The following SCARA5 variants were observed in gnomAD, a reference collection of about 807,000 sequenced individuals.
The protein encoded by SCARA5 is scavenger receptor class A member 5, also known as scavenger receptor class A, member 5 (putative).
Under a neutral mutation model 46.3 loss-of-function variants are expected in SCARA5, and 45 were observed. That is an observed-to-expected ratio of 0.97 (90% CI 0.76 to 1.24). The LOEUF is 1.24. Ranked by LOEUF, SCARA5 falls within the 50% of genes most tolerant of loss-of-function variation. The pLI, the probability that SCARA5 is intolerant of heterozygous loss-of-function variation, is 0.00. For missense variants in SCARA5, 680 were observed against 689.0 expected, an observed-to-expected ratio of 0.99 and a Z score of 0.15; for synonymous variants, 333 against 306.5, an observed-to-expected ratio of 1.09 and a Z score of -0.90.
Position 27,987,499 on chromosome 8 carries a change from C to T in SCARA5, c.112+5G>A, listed in dbSNP as rs1434974066. On this transcript the variant is annotated splice_donor_5th_base_variant and intron_variant, in intron 2 of 8. Transcript: ENST00000354914. ...GTGCCCCAAGTCTGAGCCAGCTGCACTCACCATCCTCACACAGGTTCAGCT... is the reference window on the plus strand; with the variant it reads ...GTGCCCCAAGTCTGAGCCAGCTGCATTCACCATCCTCACACAGGTTCAGCT... 1.9e-6 allele frequency: 3 copies of T among 1,603,998 alleles called. No homozygotes were observed. Among genetic ancestry groups the T allele is most frequent in the Admixed American group, 1.7e-5 (1 of 60,002 alleles).
chr8:27,959,233 A>T (rs1808256464), intron 3 of SCARA5, among the ~76,000 whole-genome samples: 1 of 152,138 alleles, frequency 6.6e-6, no homozygotes, highest in Non-Finnish European at 1.5e-5. Flanking sequence ...ACTCTGTCTC[A>T]AAAAGAAAAA....
intron 1 of SCARA5, among the ~76,000 whole-genome samples, chr8:27,989,514 T>C (rs1217900724): frequency 1.3e-5 from 2 of 152,182 alleles, no homozygotes; most frequent in Admixed American, 1.3e-4. Context: ...CCAGTCACTG[T>C]ATACATGTCC....
intron 8 of SCARA5, among the ~76,000 whole-genome samples, chr8:27,877,489 T>A (rs929954755): frequency 4.6e-5 from 7 of 152,190 alleles, no homozygotes; most frequent in Admixed American, 2.6e-4. Flanking sequence ...TTTCACCAAC[T>A]GGCAGAGTCA....
intron 2 of SCARA5, among the ~76,000 whole-genome samples, chr8:27,967,023 A>G (rs978470811): frequency 6.6e-6 from 1 of 152,240 alleles, no homozygotes; most frequent in African/African-American, 2.4e-5. Flanking sequence ...CTGCTCTGGC[A>G]GAGGCTACTA....
rs368565486 is a variant in SCARA5, at chr8:27,966,534, G to A, written c.121C>T (p.His41Tyr). 1 of 1,612,040 alleles carries A rather than the reference G, an allele frequency of 6.2e-7. No individual in the cohort carries two copies. Among genetic ancestry groups the A allele is most frequent in the African/African-American group, 1.3e-5 (1 of 74,842 alleles). Residue 41 changes from histidine to tyrosine, a missense_variant, in exon 3 of 9, where the codon CAC (histidine) becomes TAC (tyrosine). This residue lies in a region of SCARA5 where 438 missense variants were observed against 384.5 expected (regional missense o/e 1.14). Coordinates refer to ENST00000354914, the MANE Select transcript of SCARA5 (RefSeq NM_173833.6). ...CAGCAGATGCTTGCCCGCCGTTTGT[G>A]ACATGGACCTGGACAATAAGGGTAA... is the stretch of plus-strand genomic sequence containing the variant. Reference protein sequence around the residue: ...KLNLCEDGPCHKRRASICCTQ... With the variant: ...KLNLCEDGPCYKRRASICCTQ...
chr8:27,886,715 C>T (rs1806901907), intron 7 of SCARA5, among the ~76,000 whole-genome samples: 1 of 152,214 alleles, frequency 6.6e-6, no homozygotes, highest in African/African-American at 2.4e-5. Flanking sequence ...GTTTGGGTTT[C>T]TGTGGGCAGA....
intron 7 of SCARA5, among the ~76,000 whole-genome samples, chr8:27,887,026 G>A (rs1453710349): frequency 6.6e-6 from 1 of 152,196 alleles, no homozygotes; most frequent in Non-Finnish European, 1.5e-5. Flanking sequence ...GGGAGACAGG[G>A]ATTCTTGATT....
intron 2 of SCARA5, among the ~76,000 whole-genome samples, chr8:27,968,654 C>T (rs1291586338): frequency 6.6e-6 from 1 of 152,188 alleles, no homozygotes; most frequent in Non-Finnish European, 1.5e-5. Context: ...GTTTCATTCT[C>T]ATGGTGGTAG....
At chr8:27,895,211 C>T (rs1807044776) in intron 7 of SCARA5, among the ~76,000 whole-genome samples, 1 of 152,138 alleles carries the variant, frequency 6.6e-6, no homozygotes, top group Non-Finnish European at 1.5e-5. Flanking sequence ...CAGAGTAGAG[C>T]CCTAGGGATA....
rs573508212 is a variant in SCARA5, at chr8:27,871,808, T to C, written c.*126A>G. 7.1e-6 allele frequency: 11 copies of C among 1,545,766 alleles called. No homozygotes were observed. Among genetic ancestry groups the C allele is most frequent in the African/African-American group, 1.4e-5 (1 of 73,674 alleles). On this transcript the variant is annotated 3_prime_UTR_variant, in exon 9 of 9. Coordinates refer to ENST00000354914, the MANE Select transcript of SCARA5 (RefSeq NM_173833.6). The stretch of plus-strand genomic sequence containing the variant: ...CCCCCACGGTCCTGGGATGCAGGTG[T>C]GAGGACTGAGAATGCTGGACGGGGT...
chr8:27,970,017 G>A (rs1808425648), intron 2 of SCARA5, among the ~76,000 whole-genome samples: 1 of 152,172 alleles, frequency 6.6e-6, no homozygotes, highest in Admixed American at 6.5e-5. Flanking sequence ...ATTGGCCTGT[G>A]TGACCAATAA....
At chr8:27,920,977 A>G (rs955691516) in intron 4 of SCARA5, among the ~76,000 whole-genome samples, 4 of 150,878 alleles carry the variant, frequency 2.7e-5, no homozygotes, top group African/African-American at 7.3e-5. Flanking sequence ...CTCCGTCTCA[A>G]AAAAACAGAA....
intron 1 of SCARA5, among the ~76,000 whole-genome samples, chr8:27,989,775 A>G (rs1423887351): frequency 1.1e-4 from 16 of 151,968 alleles, no homozygotes; most frequent in Admixed American, 1.0e-3. Flanking sequence ...CTGGGCTCCC[A>G]ATTCCGGCCC....
chr8:27,985,215 G>A (rs1808688036), intron 2 of SCARA5, among the ~76,000 whole-genome samples: 1 of 152,178 alleles, frequency 6.6e-6, no homozygotes. Flanking sequence ...TCAGGGAAAG[G>A]GGGATGGAAA....
At chr8:27,950,375 C>T (rs550409790) in intron 3 of SCARA5, among the ~76,000 whole-genome samples, 6 of 151,708 alleles carry the variant, frequency 4.0e-5, no homozygotes, top group East Asian at 2.0e-4. Flanking sequence ...ATCCCATCCT[C>T]GAGCAGACCC....
intron 2 of SCARA5, among the ~76,000 whole-genome samples, chr8:27,974,986 A>G (rs1808501928): frequency 6.6e-6 from 1 of 152,258 alleles, no homozygotes; most frequent in African/African-American, 2.4e-5. Flanking sequence ...TTGTGTATTC[A>G]TGAGATGACT....
At chr8:27,963,280 C>A (rs1447141449) in intron 3 of SCARA5, among the ~76,000 whole-genome samples, 4 of 152,292 alleles carry the variant, frequency 2.6e-5, no homozygotes, top group Middle Eastern at 3.4e-3. Context: ...GATTGAGGAC[C>A]CCCTGGCCAC....
chr8:27,957,322 C>T (rs569828807), intron 3 of SCARA5, among the ~76,000 whole-genome samples: 7 of 152,306 alleles, frequency 4.6e-5, no homozygotes, highest in South Asian at 2.1e-4. Context: ...CACTTACACC[C>T]GGTTATAAAT....
intron 3 of SCARA5, among the ~76,000 whole-genome samples, chr8:27,945,753 A>G (rs991802523): frequency 6.6e-6 from 1 of 152,272 alleles, no homozygotes; most frequent in African/African-American, 2.4e-5. Context: ...TTGACCTCAC[A>G]TAGTAACCAG....
Sources: gnomAD v4.1 joint callset for allele counts (sites outside exome capture counted in the v4.1 genomes callset) on GRCh38, gnomAD v4.1.1 for gene constraint, gnomAD v4.1.1 regional missense constraint, MANE v1.5 for transcripts, NCBI Gene and HGNC (gene_info 2026-07-23, HGNC 2026-07-21) for gene names.